Variants in SLC25A21 observed in about 807,000 individuals in gnomAD.
SLC25A21 encodes the protein solute carrier family 25 member 21, also known as mitochondrial 2-oxodicarboxylate carrier.
A neutral mutation model predicts 43.8 loss-of-function variants in SLC25A21; 47 were observed. The observed-to-expected ratio is 1.07, with a 90% CI of 0.85 to 1.37. SLC25A21 has a LOEUF of 1.37. Ranked by LOEUF, SLC25A21 falls within the 40% of genes most tolerant of loss-of-function variation. The probability of loss-of-function intolerance (pLI) is 0.00; values close to 1 mark genes in which losing one functional copy is unlikely to be tolerated. For synonymous variants in SLC25A21, 131 were observed against 121.3 expected (o/e 1.08, Z -0.52); for missense variants, 352 against 350.2 (o/e 1.00, Z -0.04).
chr14:37,162,347 T>C (rs1428434080), intron 1 of SLC25A21, among the ~76,000 whole-genome samples: 2 of 152,230 alleles, frequency 1.3e-5, no homozygotes, highest in African/African-American at 4.8e-5. Flanking sequence ...CCCATGCCTA[T>C]GTCCTGAATG....
chr14:36,862,997 T>G (rs1448276399), intron 2 of SLC25A21, among the ~76,000 whole-genome samples: 1 of 152,138 alleles, frequency 6.6e-6, no homozygotes, highest in African/African-American at 2.4e-5. Context: ...TGCTGGAAAT[T>G]TGAAAGCAGT....
At chr14:36,770,649 A>C (rs2415363) in intron 3 of SLC25A21, among the ~76,000 whole-genome samples, 71,085 of 151,952 alleles carry the variant, frequency 0.47, 17,742 homozygotes, top group East Asian at 0.69. Flanking sequence ...ATTTCTATAA[A>C]ACGTTAGACA....
chr14:36,853,873 G>A (rs545091580), intron 2 of SLC25A21, among the ~76,000 whole-genome samples: 2 of 152,186 alleles, frequency 1.3e-5, no homozygotes, highest in Non-Finnish European at 2.9e-5. Context: ...TTGGATTAGA[G>A]AGCACAGTCC....
intron 1 of SLC25A21, among the ~76,000 whole-genome samples, chr14:37,122,588 G>A (rs940303052): frequency 6.6e-6 from 1 of 152,148 alleles, no homozygotes; most frequent in African/African-American, 2.4e-5. Flanking sequence ...AACCAGAGTA[G>A]CTTCACGTGG....
intron 1 of SLC25A21, among the ~76,000 whole-genome samples, chr14:36,994,434 A>T (rs1960329111): frequency 6.6e-6 from 1 of 152,222 alleles, no homozygotes; most frequent in East Asian, 1.9e-4. Flanking sequence ...GCATATATTC[A>T]ATAAATGGCT....
At chr14:36,953,939 C>CT (rs1442670232) in intron 1 of SLC25A21, among the ~76,000 whole-genome samples, 1 of 152,178 alleles carries the variant, frequency 6.6e-6, no homozygotes, top group East Asian at 1.9e-4. Context: ...CAACTGCCTA[C>CT]TGGACATCTT....
intron 1 of SLC25A21, among the ~76,000 whole-genome samples, chr14:36,909,909 C>T (rs540926928): frequency 6.6e-6 from 1 of 151,994 alleles, no homozygotes; most frequent in Non-Finnish European, 1.5e-5. Flanking sequence ...TACCTAAATA[C>T]GAACATTGGC....
intron 1 of SLC25A21, among the ~76,000 whole-genome samples, chr14:37,028,094 A>T (rs1961131635): frequency 6.6e-6 from 1 of 152,200 alleles, no homozygotes; most frequent in East Asian, 1.9e-4. Flanking sequence ...GATATATTAT[A>T]TCCAAATTCT....
At chr14:36,907,746 C>T (rs989754667) in intron 1 of SLC25A21, among the ~76,000 whole-genome samples, 2 of 152,006 alleles carry the variant, frequency 1.3e-5, no homozygotes, top group Non-Finnish European at 2.9e-5. Context: ...GAGATATGGC[C>T]ACAGAATAAT....
chr14:36,990,224 G>C (rs1226530222), intron 1 of SLC25A21, among the ~76,000 whole-genome samples: 1 of 152,136 alleles, frequency 6.6e-6, no homozygotes. Flanking sequence ...CTAAGACAGC[G>C]GATGTGAAAA....
chr14:36,994,287 T>C (rs535052643), intron 1 of SLC25A21, among the ~76,000 whole-genome samples: 6 of 152,176 alleles, frequency 3.9e-5, no homozygotes, highest in Non-Finnish European at 7.3e-5. Context: ...TTCTCTTCTG[T>C]TTGTTTATTC....
intron 1 of SLC25A21, among the ~76,000 whole-genome samples, chr14:37,154,013 G>GACCC (rs1425035937): frequency 2.0e-5 from 3 of 152,056 alleles, no homozygotes; most frequent in African/African-American, 7.2e-5. Context: ...CACACTCTAT[G>GACCC]ACCCAGTTTA....
intron 1 of SLC25A21, among the ~76,000 whole-genome samples, chr14:37,115,240 C>T (rs1236464051): frequency 1.3e-5 from 2 of 152,162 alleles, no homozygotes; most frequent in Non-Finnish European, 2.9e-5. Context: ...CCCAGGAGGG[C>T]AGCACCGCCA....
At position 36,678,468 on chromosome 14, in the gene SLC25A21, C is replaced by T; in HGVS notation, c.*2190G>A. ...TTTGATCTTGTAAAACTTCCATTGA[C>T]ATCTGGAGTTCCCAGTCTGGTGAGA... On this transcript the variant is annotated 3_prime_UTR_variant, in exon 10 of 10. Coordinates refer to ENST00000331299, the MANE Select transcript of SLC25A21 (RefSeq NM_030631.4). 6.5e-7 allele frequency: 1 copy of T among 1,533,400 alleles called. No homozygotes were observed. Among genetic ancestry groups the T allele is most frequent in the Non-Finnish European group, 8.7e-7 (1 of 1,143,442 alleles). 95.0% of individuals were successfully genotyped at this position (1,533,400 alleles called of 1,614,324 possible). A position where few individuals can be genotyped will look rare whatever the true frequency, so the allele number is the denominator to read the frequency against.
At chr14:36,831,017 G>T (rs912507503) in intron 2 of SLC25A21, among the ~76,000 whole-genome samples, 1 of 152,196 alleles carries the variant, frequency 6.6e-6, no homozygotes, top group Non-Finnish European at 1.5e-5. Flanking sequence ...ATTTCTAGCA[G>T]ATATGTAGAT....
intron 1 of SLC25A21, among the ~76,000 whole-genome samples, chr14:36,962,495 C>A (rs950667410): frequency 6.6e-6 from 1 of 152,120 alleles, no homozygotes; most frequent in Non-Finnish European, 1.5e-5. Flanking sequence ...TCCCTGCCAC[C>A]CCATAGCCCC....
chr14:36,993,101 T>C (rs1960298791), intron 1 of SLC25A21, among the ~76,000 whole-genome samples: 1 of 152,222 alleles, frequency 6.6e-6, no homozygotes, highest in African/African-American at 2.4e-5. Context: ...GTTTTTCTGT[T>C]TGGGACAATA....
chr14:37,098,798 T>C (rs1195389246), intron 1 of SLC25A21, among the ~76,000 whole-genome samples: 1 of 96,280 alleles, frequency 1.0e-5, no homozygotes, highest in Non-Finnish European at 1.9e-5. Context: ...GATAGATAGA[T>C]AGATAGATTT....
intron 2 of SLC25A21, among the ~76,000 whole-genome samples, chr14:36,850,898 C>T (rs574307882): frequency 8.4e-4 from 128 of 152,298 alleles, no homozygotes; most frequent in African/African-American, 3.0e-3. Context: ...GGAGTGCACA[C>T]AGGGACCACG....
Sources: gnomAD v4.1 joint callset for allele counts (sites outside exome capture counted in the v4.1 genomes callset) on GRCh38, gnomAD v4.1.1 for gene constraint, MANE v1.5 for transcripts, NCBI Gene and HGNC (gene_info 2026-07-23, HGNC 2026-07-21) for gene names.